PCDH15: variants seen among roughly 807,000 people sequenced by gnomAD.
The protein encoded by PCDH15 is protocadherin-15.
In PCDH15, 129 loss-of-function variants were observed where a neutral mutation model predicts 178.5. That is an observed-to-expected ratio of 0.72 (90% CI 0.63 to 0.84). The LOEUF (loss-of-function observed/expected upper bound fraction) is 0.84, where lower values mean the gene tolerates loss of function less well. Ranked by LOEUF, PCDH15 falls within the 40% of genes least tolerant of loss-of-function variation. PCDH15 has a pLI of 0.00. For missense variants in PCDH15, 2,230 were observed against 2,099.9 expected (o/e 1.06, Z -1.21); for synonymous variants, 800 against 732.0 (o/e 1.09, Z -1.50).
intron 2 of PCDH15, among the ~76,000 whole-genome samples, chr10:55,346,705 T>C (rs1299335582): frequency 6.6e-6 from 1 of 151,914 alleles, no homozygotes; most frequent in East Asian, 1.9e-4. Context: ...TTTTTTTTTT[T>C]TTGCTCTACA....
intron 8 of PCDH15, among the ~76,000 whole-genome samples, chr10:54,295,232 G>T (rs2059672785): frequency 2.6e-5 from 4 of 152,152 alleles, no homozygotes; most frequent in Non-Finnish European, 5.9e-5. Flanking sequence ...TCAGCACTCT[G>T]TAAAATCACA....
chr10:55,513,818 G>A (rs12245539), intron 2 of PCDH15, among the ~76,000 whole-genome samples: 51,930 of 151,770 alleles, frequency 0.34, 9,158 homozygotes, highest in East Asian at 0.51. Context: ...TACTATTTTT[G>A]AGAATACTTT....
chr10:54,370,561 C>T (rs1947504978), intron 4 of PCDH15, among the ~76,000 whole-genome samples: 1 of 151,772 alleles, frequency 6.6e-6, no homozygotes, highest in Non-Finnish European at 1.5e-5. Flanking sequence ...GTTCCATAAC[C>T]TACTAACTGT....
chr10:53,878,333 T>TAC (rs10683837), intron 26 of PCDH15, among the ~76,000 whole-genome samples: 91,241 of 142,054 alleles, frequency 0.64, 29,883 homozygotes, highest in Middle Eastern at 0.79. Context: ...ATAGTCTATA[T>TAC]AGTCTATATA....
intron 5 of PCDH15, among the ~76,000 whole-genome samples, chr10:54,350,087 G>A (rs1473360290): frequency 6.6e-6 from 1 of 152,006 alleles, no homozygotes; most frequent in Non-Finnish European, 1.5e-5. Context: ...ATTATATAAA[G>A]GTTATGAATC....
intron 2 of PCDH15, among the ~76,000 whole-genome samples, chr10:54,595,558 T>G (rs1041207416): frequency 1.3e-5 from 2 of 152,144 alleles, no homozygotes; most frequent in African/African-American, 2.4e-5. Context: ...TTCCTCCAAA[T>G]GAGCACACTA....
At chr10:54,980,568 T>C (rs1478795841) in intron 2 of PCDH15, among the ~76,000 whole-genome samples, 1 of 152,106 alleles carries the variant, frequency 6.6e-6, no homozygotes, top group African/African-American at 2.4e-5. Context: ...CTATACACCC[T>C]AGATTTTTAA....
chr10:53,821,540 C>G, intron 32 of PCDH15: 1 of 1,079,502 alleles, frequency 9.3e-7, no homozygotes, highest in Non-Finnish European at 1.1e-6. Context: ...GATAGACATG[C>G]CTTTGGTTTA....
intron 18 of PCDH15, among the ~76,000 whole-genome samples, chr10:54,036,411 C>A (rs1030465116): frequency 4.0e-5 from 6 of 151,834 alleles, no homozygotes; most frequent in Non-Finnish European, 8.8e-5. Flanking sequence ...TATTTATTGA[C>A]CATTCTGAAA....
At chr10:55,113,928 T>C (rs780635203) in intron 2 of PCDH15, among the ~76,000 whole-genome samples, 5 of 152,152 alleles carry the variant, frequency 3.3e-5, no homozygotes, top group Middle Eastern at 3.4e-3. Flanking sequence ...TTTGAACAAG[T>C]ATTTTGTTTT....
At chr10:53,845,833 T>C (rs1043166967) in intron 28 of PCDH15, among the ~76,000 whole-genome samples, 7 of 151,760 alleles carry the variant, frequency 4.6e-5, no homozygotes, top group Non-Finnish European at 7.4e-5. Context: ...TAGTTAAAAA[T>C]AATGTGTTGT....
At chr10:54,909,728 C>A (rs942258965) in intron 2 of PCDH15, among the ~76,000 whole-genome samples, 2 of 152,248 alleles carry the variant, frequency 1.3e-5, no homozygotes, top group African/African-American at 4.8e-5. Flanking sequence ...GTCACAGCAG[C>A]TGCTTGGGCA....
intron 15 of PCDH15, among the ~76,000 whole-genome samples, chr10:54,114,085 C>T (rs151232082): frequency 5.8e-4 from 88 of 152,290 alleles, no homozygotes; most frequent in Non-Finnish European, 1.1e-3. Flanking sequence ...GGGATTATTA[C>T]AATTCAAGGT....
chr10:54,372,849 G>A (rs954320333), intron 4 of PCDH15, among the ~76,000 whole-genome samples: 7 of 151,682 alleles, frequency 4.6e-5, no homozygotes, highest in Non-Finnish European at 7.4e-5. Context: ...TACTCTGAAC[G>A]TATACTTGCA....
At chr10:53,969,256 C>G (rs2089400933) in intron 21 of PCDH15, among the ~76,000 whole-genome samples, 1 of 152,046 alleles carries the variant, frequency 6.6e-6, no homozygotes, top group Non-Finnish European at 1.5e-5. Context: ...GAAAGGGTAT[C>G]AGTGATTGAA....
intron 2 of PCDH15, among the ~76,000 whole-genome samples, chr10:55,585,140 T>A (rs1347944873): frequency 6.6e-6 from 1 of 151,998 alleles, no homozygotes; most frequent in Non-Finnish European, 1.5e-5. Flanking sequence ...GAATAACTCT[T>A]TGCAAATAAC....
At chr10:55,155,488 C>A (rs372267025) in intron 2 of PCDH15, among the ~76,000 whole-genome samples, 1,622 of 115,466 alleles carry the variant, frequency 0.014, no homozygotes, top group Non-Finnish European at 0.015. Flanking sequence ...GCAACCAATG[C>A]AAAAAAAAAA....
chr10:54,210,643 G>C (rs1260172232), intron 10 of PCDH15, among the ~76,000 whole-genome samples: 1 of 152,010 alleles, frequency 6.6e-6, no homozygotes, highest in African/African-American at 2.4e-5. Context: ...TTCAGGAAGA[G>C]GGAGAGTATC....
At chr10:54,329,345 T>A (rs1276642383) in intron 7 of PCDH15, among the ~76,000 whole-genome samples, 1 of 151,904 alleles carries the variant, frequency 6.6e-6, no homozygotes, top group Non-Finnish European at 1.5e-5. Context: ...AATATTTCAG[T>A]ATAGTCTAAA....
Sources: gnomAD v4.1 joint callset for allele counts (sites outside exome capture counted in the v4.1 genomes callset) on GRCh38, gnomAD v4.1.1 for gene constraint, MANE v1.5 for transcripts, NCBI Gene and HGNC (gene_info 2026-07-23, HGNC 2026-07-21) for gene names.